The following DHX36 variants were observed in gnomAD, a reference collection of about 807,000 sequenced individuals.
The protein encoded by DHX36 is DEAH-box helicase 36, also known as ATP-dependent DNA/RNA helicase DHX36.
Under a neutral mutation model 139.0 loss-of-function variants are expected in DHX36, and 50 were observed. That is an observed-to-expected ratio of 0.36 (90% confidence interval 0.29 to 0.46). The LOEUF (loss-of-function observed/expected upper bound fraction) is 0.46, where lower values mean the gene tolerates loss of function less well. Ranked by LOEUF, DHX36 falls within the 20% of genes least tolerant of loss-of-function variation. The pLI, the probability that DHX36 is intolerant of heterozygous loss-of-function variation, is 1.00. For synonymous variants in DHX36, 425 were observed against 401.9 expected, an observed-to-expected ratio of 1.06 and a Z score of -0.69; for missense variants, 1,024 against 1,211.3, an observed-to-expected ratio of 0.85 and a Z score of 2.29.
Position 154,300,647 on chromosome 3 carries a change from C to T in DHX36, c.1408G>A (p.Val470Ile). 1 of 1,613,892 alleles carries T rather than the reference C, an allele frequency of 6.2e-7. No homozygotes were observed. The highest frequency in any genetic ancestry group is 8.5e-7 in the Non-Finnish European group (1 of 1,179,898). ...AGGGCAACAATCAAATTCAGATCAACTTTATCATCCTCCATCATTTCTATA... is the reference window on the plus strand; with the variant it reads ...AGGGCAACAATCAAATTCAGATCAATTTTATCATCCTCCATCATTTCTATA... Reference protein sequence around the residue: ...DVIEMMEDDKVDLNLIVALIR... With the variant: ...DVIEMMEDDKIDLNLIVALIR... The change falls in exon 11 of 25, where the codon GTT becomes ATT. Residue 470 changes from valine to isoleucine, a missense_variant. Coordinates refer to ENST00000496811, the MANE Select transcript of DHX36 (RefSeq NM_020865.3).
rs1711501269 is a variant in DHX36, at chr3:154,284,432, C to T, written c.2292+151G>A. 4.8e-6 allele frequency: 3 copies of T among 623,166 alleles called. No homozygotes were observed. In the South Asian group the frequency reaches 6.7e-5, roughly 14 times the overall value. 38.6% of individuals were successfully genotyped at this position (623,166 alleles called of 1,614,324 possible). A position where few individuals can be genotyped will look rare whatever the true frequency, so the allele number is the denominator to read the frequency against. ...CTGACTTCAGGTGATACACCTGCCTCAGCCTCCCAAAGTGCTATGATTACA... is the reference window on the plus strand; with the variant it reads ...CTGACTTCAGGTGATACACCTGCCTTAGCCTCCCAAAGTGCTATGATTACA... On this transcript the variant is annotated intron_variant, in intron 19 of 24. Coordinates refer to ENST00000496811, the MANE Select transcript of DHX36 (RefSeq NM_020865.3).
intron 9 of DHX36, 67 bp from the exon 10 acceptor site, chr3:154,301,194 C>A: frequency 7.0e-7 from 1 of 1,435,702 alleles, no homozygotes; most frequent in Non-Finnish European, 9.4e-7. Context: ...AAATCTGTGA[C>A]ATTTTATATT....
At chr3:154,290,909 CG>C (rs1711774754) in intron 15 of DHX36, among the ~76,000 whole-genome samples, 3 of 150,806 alleles carry the variant, frequency 2.0e-5, no homozygotes, top group African/African-American at 7.3e-5. Flanking sequence ...CCGAGGCGGG[CG>C]GATCACGAGG....
intron 5 of DHX36, 43 bp downstream of exon 5, chr3:154,309,610 A>G (rs1408721473): frequency 6.6e-7 from 1 of 1,521,536 alleles, no homozygotes; most frequent in Non-Finnish European, 8.9e-7. Flanking sequence ...TAGCAAGATT[A>G]CTTTTAAAAA....
Position 154,309,795 on chromosome 3 carries a change from T to C in DHX36, c.671A>G (p.Gln224Arg), listed in dbSNP as rs759083962. ...KELVNLIDNHQVTVISGETGC... is the reference protein window; with the variant it reads ...KELVNLIDNHRVTVISGETGC... ...AGTTTCACCACTTATTACTGTTACC[T>C]GATGGTTATCAATTAAATTTACCAA... is the stretch of plus-strand genomic sequence containing the variant. The change falls in exon 5 of 25, where the codon CAG becomes CGG. Residue 224 changes from glutamine (Q) to arginine (R), a missense_variant. This residue lies in a region of DHX36 where 146 missense variants were observed against 215.0 expected (regional missense o/e 0.68). Coordinates refer to ENST00000496811, the MANE Select transcript of DHX36 (RefSeq NM_020865.3). 1.2e-5 allele frequency: 20 copies of C among 1,607,154 alleles called. No homozygotes were observed. Among genetic ancestry groups the C allele is most frequent in the African/African-American group, 1.2e-4 (9 of 74,552 alleles).
At chr3:154,322,336 A>T (rs1046236442) in intron 1 of DHX36, among the ~76,000 whole-genome samples, 1 of 152,230 alleles carries the variant, frequency 6.6e-6, no homozygotes, top group African/African-American at 2.4e-5. Context: ...TTAGGTAATA[A>T]AATGATCTAA....
At position 154,305,152 on chromosome 3, in the gene DHX36, G is replaced by T. The variant is rs1279467174; in HGVS notation, c.910C>A (p.Gln304Lys). 2 of 1,612,564 alleles carry T rather than the reference G, an allele frequency of 1.2e-6. No individual in the cohort carries two copies. Among genetic ancestry groups the T allele is most frequent in the Non-Finnish European group, 8.5e-7 (1 of 1,179,586 alleles). The change falls in exon 7 of 25, where the codon CAG (glutamine) becomes AAG (lysine). Residue 304 changes from glutamine to lysine, a missense_variant. Gln to Lys is a moderately conservative substitution (Grantham distance 53). Around this residue, in one of 4 missense-constraint regions of DHX36, gnomAD observed 146 missense variants for 215.0 expected, o/e 0.68. Coordinates refer to ENST00000496811, the MANE Select transcript of DHX36 (RefSeq NM_020865.3). ...IRLQSRLPRK[Q>K]GSILYCTTGI... is the part of the protein sequence containing the mutation. ...GTTGTACAGTATAAGATAGAACCCT[G>T]TTTCCTTGGCAACCGACTGTGAATG... is the stretch of plus-strand genomic sequence containing the variant.
intron 17 of DHX36, among the ~76,000 whole-genome samples, chr3:154,288,506 T>C (rs1333635147): frequency 6.6e-6 from 1 of 152,184 alleles, no homozygotes; most frequent in Admixed American, 6.5e-5. Context: ...AAGTAATTAC[T>C]ACATAGTCCT....
intron 12 of DHX36, chr3:154,299,634 C>T (rs900162185): frequency 1.8e-6 from 1 of 546,734 alleles, no homozygotes; most frequent in Non-Finnish European, 3.3e-6. Flanking sequence ...AAAAACCTCA[C>T]ATACCTATGC....
intron 4 of DHX36, among the ~76,000 whole-genome samples, chr3:154,310,422 C>T (rs1346279854): frequency 6.6e-6 from 1 of 151,796 alleles, no homozygotes; most frequent in Non-Finnish European, 1.5e-5. Context: ...ATCTTACTAC[C>T]TCAAAGGGAT....
intron 15 of DHX36, among the ~76,000 whole-genome samples, chr3:154,290,874 C>T (rs539561687): frequency 6.6e-6 from 1 of 151,326 alleles, no homozygotes; most frequent in South Asian, 2.1e-4. Flanking sequence ...GTGGCTCACG[C>T]CTGTAATCCC....
intron 1 of DHX36, among the ~76,000 whole-genome samples, chr3:154,323,375 T>G (rs1713272986): frequency 6.6e-6 from 1 of 151,942 alleles, no homozygotes; most frequent in African/African-American, 2.4e-5. Flanking sequence ...CTAATTACAC[T>G]CTATAATACA....
intron 11 of DHX36, among the ~76,000 whole-genome samples, chr3:154,300,250 T>C (rs979522660): frequency 6.6e-6 from 1 of 152,066 alleles, no homozygotes; most frequent in Non-Finnish European, 1.5e-5. Context: ...GTATTTTTAG[T>C]AGAGACAGGG....
intron 5 of DHX36, among the ~76,000 whole-genome samples, chr3:154,306,745 T>G (rs1366923931): frequency 2.0e-5 from 3 of 152,156 alleles, no homozygotes; most frequent in African/African-American, 7.2e-5. Context: ...AAAATAAGAT[T>G]TGGAAAGATG....
intron 4 of DHX36, among the ~76,000 whole-genome samples, chr3:154,311,108 GACAA>G (rs1475776068): frequency 5.3e-5 from 8 of 151,048 alleles, no homozygotes; most frequent in African/African-American, 9.7e-5. Context: ...GGGAGGGGAA[GACAA>G]ACAGATGTCA....
intron 20 of DHX36, among the ~76,000 whole-genome samples, chr3:154,282,899 G>A (rs1416618969): frequency 3.3e-5 from 5 of 152,122 alleles, no homozygotes; most frequent in Admixed American, 6.6e-5. Flanking sequence ...TTTTAGTAGT[G>A]TTAGCAAAAA....
At chr3:154,313,685 T>A (rs1712855608) in intron 3 of DHX36, among the ~76,000 whole-genome samples, 1 of 152,094 alleles carries the variant, frequency 6.6e-6, no homozygotes, top group Non-Finnish European at 1.5e-5. Flanking sequence ...GTCTTAAATA[T>A]ATATATATAC....
At chr3:154,309,940 T>C (rs1431092346) in intron 4 of DHX36, 117 bp from the exon 5 acceptor site, 11 of 841,676 alleles carry the variant, frequency 1.3e-5, no homozygotes, top group Non-Finnish European at 5.3e-6. Flanking sequence ...TAATGCTTTC[T>C]AAATTTTGCC....
At chr3:154,282,108 C>A (rs1719350973) in intron 20 of DHX36, among the ~76,000 whole-genome samples, 1 of 152,096 alleles carries the variant, frequency 6.6e-6, no homozygotes, top group South Asian at 2.1e-4. Flanking sequence ...CTTCTGTTCA[C>A]TTCTCTGTTC....
Sources: gnomAD v4.1 joint callset for allele counts (sites outside exome capture counted in the v4.1 genomes callset) on GRCh38, gnomAD v4.1.1 for gene constraint, gnomAD v4.1.1 regional missense constraint, MANE v1.5 for transcripts, NCBI Gene and HGNC (gene_info 2026-07-23, HGNC 2026-07-21) for gene names.